The following RCSD1 variants were observed in gnomAD, a reference collection of about 807,000 sequenced individuals.
The protein encoded by RCSD1 is capZ-interacting protein.
RCSD1 carries 26 observed loss-of-function variants against 42.5 expected under a neutral mutation model. The ratio of observed to expected loss-of-function variants is 0.61; its 90% CI spans 0.45 to 0.85. The LOEUF is 0.85. Among genes scored for constraint, RCSD1 ranks in the 40% least tolerant of loss-of-function variants. The pLI is 0.00. For synonymous variants in RCSD1, 220 were observed against 212.2 expected (o/e 1.04, Z -0.32); for missense variants, 571 against 528.3 (o/e 1.08, Z -0.79).
intron 1 of RCSD1, among the ~76,000 whole-genome samples, chr1:167,668,606 T>C (rs1402425688): frequency 6.6e-6 from 1 of 152,112 alleles, no homozygotes; most frequent in Non-Finnish European, 1.5e-5. Context: ...GGAATATATG[T>C]CTCCCCTACT....
chr1:167,644,495 A>G (rs1250306345), intron 1 of RCSD1, among the ~76,000 whole-genome samples: 6 of 32,296 alleles, frequency 1.9e-4, no homozygotes, highest in African/African-American at 8.0e-4. Flanking sequence ...ATAAATACAT[A>G]CATACATACA....
chr1:167,672,174 C>T (rs74120621), intron 1 of RCSD1, among the ~76,000 whole-genome samples: 2,400 of 152,310 alleles, frequency 0.016, 58 homozygotes, highest in African/African-American at 0.055. Flanking sequence ...ACATACTATA[C>T]ATTCACTTGC....
intron 6 of RCSD1, among the ~76,000 whole-genome samples, 187 bp from the exon 7 acceptor site, chr1:167,704,477 G>C (rs1659711872): frequency 6.6e-6 from 1 of 151,152 alleles, no homozygotes; most frequent in African/African-American, 2.4e-5. Flanking sequence ...TATTGCTTTT[G>C]TGAGGATTAA....
intron 6 of RCSD1, 24 bp downstream of exon 6, chr1:167,697,866 T>C: frequency 6.9e-7 from 1 of 1,450,714 alleles, no homozygotes; most frequent in Non-Finnish European, 9.1e-7. Context: ...CTCGTTCACA[T>C]GCAGAAGGCA....
intron 4 of RCSD1, among the ~76,000 whole-genome samples, chr1:167,690,533 G>C (rs576763074): frequency 1.3e-5 from 2 of 152,192 alleles, no homozygotes; most frequent in East Asian, 1.9e-4. Context: ...AATTAGCCAG[G>C]CATGGTGATG....
chr1:167,647,272 C>A (rs1658181483), intron 1 of RCSD1, among the ~76,000 whole-genome samples: 1 of 152,076 alleles, frequency 6.6e-6, no homozygotes, highest in African/African-American at 2.4e-5. Flanking sequence ...ATTGGGAAGG[C>A]CTGCATGAGG....
intron 4 of RCSD1, among the ~76,000 whole-genome samples, chr1:167,693,658 T>G (rs1387932540): frequency 6.6e-6 from 1 of 152,172 alleles, no homozygotes; most frequent in Non-Finnish European, 1.5e-5. Context: ...GTGGGGTTGC[T>G]GTGGAGGACA....
Position 167,708,011 on chromosome 1 carries a change from G to A in RCSD1, c.*3315G>A, listed in dbSNP as rs1316794697. On this transcript the variant is annotated 3_prime_UTR_variant, in exon 7 of 7. Coordinates refer to ENST00000367854, the MANE Select transcript of RCSD1 (RefSeq NM_052862.4). ...TCCAGCCAGTCATTTTCTTAAGTAG[G>A]TTCTTCCCAGCCTGCAAACCCAGTG... Among the ~76,000 whole-genome samples the A allele has an allele frequency of 1.3e-5, 2 of 151,972 alleles. No homozygotes were observed. Among genetic ancestry groups the A allele is most frequent in the African/African-American group, 2.4e-5 (1 of 41,360 alleles).
At chr1:167,675,650 T>C (rs977212910) in intron 1 of RCSD1, among the ~76,000 whole-genome samples, 2 of 152,150 alleles carry the variant, frequency 1.3e-5, no homozygotes, top group African/African-American at 2.4e-5. Context: ...AAAACCCTTG[T>C]CGTGACCCTA....
At chr1:167,692,200 G>A (rs1173651571) in intron 4 of RCSD1, among the ~76,000 whole-genome samples, 2 of 152,224 alleles carry the variant, frequency 1.3e-5, no homozygotes, top group Non-Finnish European at 2.9e-5. Context: ...TTGGGAATAT[G>A]TGGGAGAAAC....
intron 1 of RCSD1, among the ~76,000 whole-genome samples, chr1:167,677,075 T>C (rs1658969566): frequency 6.6e-6 from 1 of 152,228 alleles, no homozygotes; most frequent in Non-Finnish European, 1.5e-5. Context: ...TCTGGGACTT[T>C]TTTGGTTCTG....
At chr1:167,676,278 T>C (rs916766410) in intron 1 of RCSD1, among the ~76,000 whole-genome samples, 1 of 152,212 alleles carries the variant, frequency 6.6e-6, no homozygotes, top group Non-Finnish European at 1.5e-5. Flanking sequence ...GTGTAAAGCA[T>C]AGTGCACCCT....
intron 1 of RCSD1, among the ~76,000 whole-genome samples, chr1:167,644,831 C>G (rs776357666): frequency 5.1e-4 from 77 of 152,342 alleles, no homozygotes; most frequent in Non-Finnish European, 9.0e-4. Context: ...ACCAGAGCCC[C>G]TCTCCCTGTC....
intron 1 of RCSD1, among the ~76,000 whole-genome samples, chr1:167,677,377 A>C (rs2102226891): frequency 6.6e-6 from 1 of 152,358 alleles, no homozygotes; most frequent in Non-Finnish European, 1.5e-5. Context: ...TTCTGGCCCT[A>C]AGCCATGTGA....
intron 1 of RCSD1, among the ~76,000 whole-genome samples, chr1:167,657,271 T>A (rs1658444814): frequency 6.6e-6 from 1 of 152,240 alleles, no homozygotes; most frequent in South Asian, 2.1e-4. Context: ...CTATGCTTGT[T>A]TGTCCAAGAC....
At chr1:167,673,164 G>A (rs1041032982) in intron 1 of RCSD1, among the ~76,000 whole-genome samples, 8 of 152,174 alleles carry the variant, frequency 5.3e-5, no homozygotes, top group Non-Finnish European at 1.0e-4. Context: ...ATAGCAATAA[G>A]CATAATTATA....
intron 1 of RCSD1, among the ~76,000 whole-genome samples, chr1:167,681,216 T>C (rs943578469): frequency 2.6e-5 from 4 of 152,254 alleles, no homozygotes; most frequent in Non-Finnish European, 5.9e-5. Context: ...TGATGTCCAT[T>C]ACTGGAGTCT....
intron 1 of RCSD1, among the ~76,000 whole-genome samples, chr1:167,677,733 G>A (rs193187210): frequency 1.4e-4 from 21 of 152,304 alleles, no homozygotes; most frequent in African/African-American, 4.6e-4. Flanking sequence ...ATTTGTCTCA[G>A]GTGAGCAGGA....
intron 6 of RCSD1, 128 bp downstream of exon 6, chr1:167,697,970 C>T: frequency 8.3e-7 from 1 of 1,199,676 alleles, no homozygotes. Flanking sequence ...GTGCCAGGCT[C>T]CTGCCTCGTG....
Sources: gnomAD v4.1 joint callset for allele counts (sites outside exome capture counted in the v4.1 genomes callset) on GRCh38, gnomAD v4.1.1 for gene constraint, MANE v1.5 for transcripts, NCBI Gene and HGNC (gene_info 2026-07-23, HGNC 2026-07-21) for gene names.